The following EPS15 variants were observed in gnomAD, a reference collection of about 807,000 sequenced individuals.
EPS15 encodes epidermal growth factor receptor substrate 15.
In EPS15, 72 loss-of-function variants were observed where a neutral mutation model predicts 113.8. The ratio of observed to expected loss-of-function variants is 0.63; its 90% CI spans 0.52 to 0.77. The LOEUF is 0.77. Ranked by LOEUF, EPS15 falls within the 30% of genes least tolerant of loss-of-function variation. The pLI, the probability that EPS15 is intolerant of heterozygous loss-of-function variation, is 0.00. For missense variants in EPS15, 1,048 were observed against 1,045.8 expected (o/e 1.00, Z -0.03); for synonymous variants, 344 against 363.4 (o/e 0.95, Z 0.61).
chr1:51,508,266 G>A (rs12743064), intron 1 of EPS15, among the ~76,000 whole-genome samples: 311 of 128,982 alleles, frequency 2.4e-3, no homozygotes, highest in Middle Eastern at 3.9e-3. Context: ...GAGAGAGAGA[G>A]AGAGAGAAAG....
In EPS15 at chr1:51,490,401, T is replaced by TA. The variant is rs541803200; in HGVS notation, c.34-9088dup. ...CATCATGGTGAAACCCCATCTCTAC[T>TA]AAAAATACAAAAAATTAGCTGGGCG... On this transcript the variant is annotated intron_variant, in intron 1 of 24. Transcript: ENST00000371733. 583 of 324,870 alleles carry TA rather than the reference T, an allele frequency of 1.8e-3. 3 individuals are homozygous for TA. Among genetic ancestry groups the TA allele is most frequent in the African/African-American group, 0.012 (531 of 43,852 alleles). The allele number at this position is 324,870 out of a possible 1,614,324, so 20.1% of individuals were successfully genotyped here.
intron 1 of EPS15, among the ~76,000 whole-genome samples, chr1:51,517,844 A>C (rs906954093): frequency 2.0e-5 from 3 of 152,174 alleles, no homozygotes; most frequent in Admixed American, 2.0e-4. Flanking sequence ...ATTTTACATG[A>C]AGCATGTACG....
At chr1:51,362,176 A>C (rs1646401970) in intron 23 of EPS15, among the ~76,000 whole-genome samples, 1 of 152,236 alleles carries the variant, frequency 6.6e-6, no homozygotes, top group African/African-American at 2.4e-5. Context: ...AACAGATTCC[A>C]TCACTGTAGC....
intron 15 of EPS15, 147 bp downstream of exon 15, chr1:51,407,988 G>A: frequency 1.5e-6 from 1 of 675,024 alleles, no homozygotes; most frequent in Non-Finnish European, 2.6e-6. Flanking sequence ...ATATATAACA[G>A]GTGACAAAAA....
At chr1:51,423,237 G>A (rs937187673) in intron 12 of EPS15, 5 of 1,288,884 alleles carry the variant, frequency 3.9e-6, no homozygotes, top group South Asian at 2.5e-5. Context: ...AATGTGGGTC[G>A]CGATGTTGTG....
At chr1:51,474,798 A>C (rs1350958229) in intron 2 of EPS15, among the ~76,000 whole-genome samples, 3 of 151,740 alleles carry the variant, frequency 2.0e-5, no homozygotes, top group Non-Finnish European at 2.9e-5. Context: ...CGTCATTTAC[A>C]TTAGGTATAT....
chr1:51,367,086 A>C (rs1646523859), intron 21 of EPS15, among the ~76,000 whole-genome samples: 1 of 152,254 alleles, frequency 6.6e-6, no homozygotes, highest in South Asian at 2.1e-4. Context: ...GAGGTATGAA[A>C]AACCTGTAGT....
chr1:51,467,270 A>G (rs1434877069), intron 5 of EPS15, among the ~76,000 whole-genome samples: 2 of 152,258 alleles, frequency 1.3e-5, no homozygotes, highest in Non-Finnish European at 2.9e-5. Flanking sequence ...AGTTGACAAA[A>G]TACATAGAAA....
chr1:51,465,432 C>A, intron 5 of EPS15, 106 bp from the exon 6 acceptor site: 2 of 646,304 alleles, frequency 3.1e-6, no homozygotes, highest in South Asian at 4.0e-5. Context: ...AATGCTGGAT[C>A]TCAATGCACA....
At chr1:51,481,589 C>A (rs1388065799) in intron 1 of EPS15, among the ~76,000 whole-genome samples, 1 of 152,112 alleles carries the variant, frequency 6.6e-6, no homozygotes, top group East Asian at 1.9e-4. Flanking sequence ...ATATTTTACC[C>A]AGAAACCCAA....
chr1:51,418,686 C>T (rs188531133), intron 13 of EPS15, among the ~76,000 whole-genome samples: 3 of 152,176 alleles, frequency 2.0e-5, no homozygotes, highest in African/African-American at 4.8e-5. Flanking sequence ...TTGTAGGGTG[C>T]GGAATAATAC....
intron 23 of EPS15, among the ~76,000 whole-genome samples, chr1:51,363,297 C>CAAAAA (rs34317809): frequency 9.1e-5 from 7 of 76,750 alleles, no homozygotes; most frequent in Admixed American, 3.0e-4. Context: ...GATTCCATCT[C>CAAAAA]AAAAAAAAAA....
At chr1:51,391,851 A>C (rs1647400472) in intron 21 of EPS15, among the ~76,000 whole-genome samples, 1 of 152,214 alleles carries the variant, frequency 6.6e-6, no homozygotes, top group South Asian at 2.1e-4. Flanking sequence ...TGCCAAGAAA[A>C]GCAGGTTTAG....
intron 21 of EPS15, among the ~76,000 whole-genome samples, chr1:51,377,723 G>T (rs1353495868): frequency 6.6e-6 from 1 of 152,084 alleles, no homozygotes; most frequent in Non-Finnish European, 1.5e-5. Flanking sequence ...AATCGTACAG[G>T]AAAGGAAGAG....
chr1:51,463,819 A>T, intron 6 of EPS15, 21 bp from the exon 7 acceptor site: 1 of 1,501,558 alleles, frequency 6.7e-7, no homozygotes. Flanking sequence ...AAACAAAATC[A>T]CAAGTTAAAT....
intron 22 of EPS15, among the ~76,000 whole-genome samples, chr1:51,364,732 C>T (rs1298028075): frequency 6.6e-6 from 1 of 152,006 alleles, no homozygotes; most frequent in African/African-American, 2.4e-5. Context: ...CTCCTGGGCT[C>T]AAGCAATCCT....
chr1:51,513,057 T>C (rs1644654194), intron 1 of EPS15, among the ~76,000 whole-genome samples: 1 of 151,988 alleles, frequency 6.6e-6, no homozygotes, highest in Non-Finnish European at 1.5e-5. Context: ...CCTTGAACTC[T>C]TGGCTTCAAT....
chr1:51,426,108 G>A lies in EPS15; in HGVS notation c.1041-4250C>T, dbSNP rs570392228. On this transcript the variant is annotated intron_variant, in intron 12 of 24. Transcript: ENST00000371733. ...TTACTAAATACTAAATACAAACTCT[G>A]TCACAAGTCACCTTACATCACTGTA... 8.4e-4 allele frequency among the ~76,000 whole-genome samples: 127 copies of A among 152,004 alleles called. 1 individual carries two copies. Among genetic ancestry groups the A allele is most frequent in the African/African-American group, 3.0e-3 (124 of 41,484 alleles).
At chr1:51,394,236 T>C in intron 21 of EPS15, 145 bp downstream of exon 21, 1 of 518,686 alleles carries the variant, frequency 1.9e-6, no homozygotes, top group East Asian at 3.1e-5. Flanking sequence ...ATACAAATGC[T>C]TATTATTGGT....
Sources: gnomAD v4.1 joint callset for allele counts (sites outside exome capture counted in the v4.1 genomes callset) on GRCh38, gnomAD v4.1.1 for gene constraint, MANE v1.5 for transcripts, NCBI Gene and HGNC (gene_info 2026-07-23, HGNC 2026-07-21) for gene names.